Variants in MMADHC observed in about 807,000 individuals in gnomAD.
MMADHC encodes cobalamin trafficking protein CblD.
Under a neutral mutation model 36.3 loss-of-function variants are expected in MMADHC, and 23 were observed. The observed-to-expected ratio is 0.63, with a 90% CI of 0.46 to 0.90. The LOEUF (loss-of-function observed/expected upper bound fraction) is 0.90, where lower values mean the gene tolerates loss of function less well. MMADHC is among the 40% of genes least tolerant of loss of function. The pLI, the probability that MMADHC is intolerant of heterozygous loss-of-function variation, is 0.00. For synonymous variants in MMADHC, 97 were observed against 116.1 expected (o/e 0.84, Z 1.06); for missense variants, 330 against 348.0 (o/e 0.95, Z 0.41).
intron 6 of MMADHC, chr2:149,572,303 C>CACTCCGGCCTGGGCGAGAGAG (rs1260873851): frequency 3.3e-6 from 1 of 298,766 alleles, no homozygotes; most frequent in Non-Finnish European, 6.4e-6. Flanking sequence ...CATGCCACAG[C>CACTCCGGCCTGGGCGAGAGAG]ACTCCGGCCT....
intron 6 of MMADHC, among the ~76,000 whole-genome samples, 187 bp from the exon 7 acceptor site, chr2:149,571,358 T>C (rs1038747013): frequency 6.6e-6 from 1 of 152,208 alleles, no homozygotes. Context: ...AGATTAATGG[T>C]TAACACAACA....
At chr2:149,579,729 T>A in intron 3 of MMADHC, 81 bp from the exon 4 acceptor site, 1 of 1,139,478 alleles carries the variant, frequency 8.8e-7, no homozygotes, top group Non-Finnish European at 1.3e-6. Context: ...CTTCTTAAAA[T>A]TATGTATATT....
At chr2:149,585,276 G>A (rs1031966360) in intron 2 of MMADHC, among the ~76,000 whole-genome samples, 1 of 152,162 alleles carries the variant, frequency 6.6e-6, no homozygotes, top group Non-Finnish European at 1.5e-5. Context: ...GACTTGGGAA[G>A]ATGACATGCT....
intron 4 of MMADHC, among the ~76,000 whole-genome samples, chr2:149,578,831 C>A (rs1682753384): frequency 6.6e-6 from 1 of 151,408 alleles, no homozygotes; most frequent in African/African-American, 2.4e-5. Flanking sequence ...AAATGATAAC[C>A]ATCAGGGGTT....
chr2:149,580,560 C>G (rs111440405), intron 3 of MMADHC, among the ~76,000 whole-genome samples: 1 of 152,128 alleles, frequency 6.6e-6, no homozygotes, highest in African/African-American at 2.4e-5. Context: ...GAGTAGAGAT[C>G]TGGGCTTAGA....
chr2:149,582,174 G>A lies in MMADHC; in HGVS notation c.107C>T (p.Ser36Leu). Residue 36 changes from serine to leucine, a missense_variant, in exon 3 of 8, where the codon TCA becomes TTA. By Grantham distance (145) the Ser-to-Leu change is moderately radical (BLOSUM62 -2). Coordinates refer to ENST00000303319, the MANE Select transcript of MMADHC (RefSeq NM_015702.3). ...VNPKAFSTAG[S>L]SGSDESHVAA... is the part of the protein sequence containing the mutation. ...CACATGAGACTCATCCGAACCTGAT[G>A]ATCCTGCAGTCGAAAAGGCTTTGGG... is the stretch of plus-strand genomic sequence containing the variant. 6.2e-7 allele frequency: 1 copy of A among 1,613,978 alleles called. No homozygotes were observed. The highest frequency in any genetic ancestry group is 1.7e-5 in the Admixed American group (1 of 60,006).
intron 6 of MMADHC, among the ~76,000 whole-genome samples, chr2:149,574,032 A>C (rs1682680742): frequency 6.6e-6 from 1 of 152,198 alleles, no homozygotes; most frequent in Admixed American, 6.5e-5. Context: ...CTTTAAAAAA[A>C]AAAATCTTTT....
intron 3 of MMADHC, 116 bp downstream of exon 3, chr2:149,582,011 T>G (rs983721683): frequency 2.7e-5 from 32 of 1,171,058 alleles, no homozygotes; most frequent in South Asian, 5.4e-5. Flanking sequence ...CATTTTCAAC[T>G]GAACAAACAC....
intron 2 of MMADHC, 33 bp from the exon 3 acceptor site, chr2:149,582,304 C>T: frequency 3.7e-6 from 6 of 1,608,042 alleles, no homozygotes; most frequent in Non-Finnish European, 5.1e-6. Context: ...ACTATTTGTT[C>T]TGAATATAAA....
intron 3 of MMADHC, among the ~76,000 whole-genome samples, chr2:149,580,412 T>A (rs1429701498): frequency 1.3e-5 from 2 of 152,106 alleles, no homozygotes; most frequent in Non-Finnish European, 2.9e-5. Context: ...ACCAGCCACA[T>A]GAGTTAATAT....
At chr2:149,573,593 G>C (rs1682674550) in intron 6 of MMADHC, among the ~76,000 whole-genome samples, 1 of 150,288 alleles carries the variant, frequency 6.7e-6, no homozygotes, top group African/African-American at 2.5e-5. Flanking sequence ...TTTGATCTAA[G>C]GTAACTTTTC....
At chr2:149,577,903 A>G (rs1469489377) in intron 4 of MMADHC, among the ~76,000 whole-genome samples, 2 of 151,468 alleles carry the variant, frequency 1.3e-5, no homozygotes, top group Non-Finnish European at 2.9e-5. Flanking sequence ...CTGTAATCTC[A>G]GCTACTCGGG....
intron 2 of MMADHC, among the ~76,000 whole-genome samples, chr2:149,583,332 G>C (rs766472814): frequency 6.6e-6 from 1 of 152,086 alleles, no homozygotes; most frequent in Non-Finnish European, 1.5e-5. Flanking sequence ...TTCAATGAGT[G>C]ACTTTCAGGA....
At chr2:149,587,012 T>A in intron 2 of MMADHC, 77 bp downstream of exon 2, 2 of 1,434,728 alleles carry the variant, frequency 1.4e-6, no homozygotes, top group South Asian at 1.1e-5. Context: ...AATGCCATCA[T>A]AATTAAACCC....
At chr2:149,582,346 T>A in intron 2 of MMADHC, 75 bp from the exon 3 acceptor site, 1 of 1,480,710 alleles carries the variant, frequency 6.8e-7, no homozygotes, top group Admixed American at 1.8e-5. Flanking sequence ...CTCTGGCAAA[T>A]CTTCACACTG....
At chr2:149,587,510 G>A in intron 1 of MMADHC, 154 bp downstream of exon 1, 1 of 246,080 alleles carries the variant, frequency 4.1e-6, no homozygotes, top group Non-Finnish European at 8.0e-6. Flanking sequence ...AGGCTGATCG[G>A]AAAGATGAGG....
At chr2:149,570,205 A>G in intron 7 of MMADHC, 37 bp from the exon 8 acceptor site, 1 of 1,530,326 alleles carries the variant, frequency 6.5e-7, no homozygotes, top group Non-Finnish European at 9.0e-7. Flanking sequence ...CATTAGTAAG[A>G]AAGACATTTT....
At chr2:149,582,618 A>G (rs1218778778) in intron 2 of MMADHC, among the ~76,000 whole-genome samples, 1 of 152,156 alleles carries the variant, frequency 6.6e-6, no homozygotes, top group African/African-American at 2.4e-5. Flanking sequence ...TTCTATCCTC[A>G]ATAAAGAACT....
At chr2:149,580,714 T>C (rs1488190428) in intron 3 of MMADHC, among the ~76,000 whole-genome samples, 1 of 152,172 alleles carries the variant, frequency 6.6e-6, no homozygotes, top group African/African-American at 2.4e-5. Context: ...ATATCCCTCT[T>C]CCACACTTAG....
Sources: gnomAD v4.1 joint callset for allele counts (sites outside exome capture counted in the v4.1 genomes callset) on GRCh38, gnomAD v4.1.1 for gene constraint, MANE v1.5 for transcripts, NCBI Gene and HGNC (gene_info 2026-07-23, HGNC 2026-07-21) for gene names.